Variants in DIP2A observed in about 807,000 individuals in gnomAD.
The protein encoded by DIP2A is DIP2 acetate--CoA ligase A.
A neutral mutation model predicts 177.4 loss-of-function variants in DIP2A; 85 were observed. That is an observed-to-expected ratio of 0.48 (90% CI 0.40 to 0.57). The LOEUF is 0.57. Ranked by LOEUF, DIP2A falls within the 20% of genes least tolerant of loss-of-function variation. DIP2A has a pLI of 0.00. For missense variants in DIP2A, 1,791 were observed against 2,100.2 expected (o/e 0.85, Z 2.88); for synonymous variants, 886 against 881.8 (o/e 1.00, Z -0.08).
At chr21:46,512,944 G>C (rs1469837062) in intron 8 of DIP2A, among the ~76,000 whole-genome samples, 2 of 152,154 alleles carry the variant, frequency 1.3e-5, no homozygotes, top group Non-Finnish European at 2.9e-5. Flanking sequence ...ACAAGTGTGA[G>C]CCACTGCACC....
chr21:46,472,539 A>C (rs1251159070), intron 1 of DIP2A, among the ~76,000 whole-genome samples: 1 of 152,188 alleles, frequency 6.6e-6, no homozygotes, highest in African/African-American at 2.4e-5. Context: ...CCAATAGAGG[A>C]AGTACAGTTT....
At chr21:46,477,267 A>T (rs2055931978) in intron 1 of DIP2A, among the ~76,000 whole-genome samples, 2 of 151,956 alleles carry the variant, frequency 1.3e-5, no homozygotes, top group Admixed American at 6.6e-5. Flanking sequence ...ATTTTTATCC[A>T]GGCGTGGTGG....
chr21:46,516,943 T>C (rs544572924), intron 8 of DIP2A, among the ~76,000 whole-genome samples: 5 of 152,280 alleles, frequency 3.3e-5, no homozygotes, highest in African/African-American at 1.2e-4. Flanking sequence ...TAATCTTTGC[T>C]TCTGCTGCCT....
intron 2 of DIP2A, among the ~76,000 whole-genome samples, chr21:46,489,227 A>G (rs1341137924): frequency 6.6e-6 from 1 of 152,228 alleles, no homozygotes; most frequent in Non-Finnish European, 1.5e-5. Context: ...ATAACTGACC[A>G]CCCCAAAATG....
intron 22 of DIP2A, 180 bp downstream of exon 22, chr21:46,550,065 TGA>T: frequency 7.1e-7 from 1 of 1,401,022 alleles, no homozygotes; most frequent in Admixed American, 3.0e-5. Context: ...GGATACAAAG[TGA>T]TGTTATAATT....
chr21:46,518,026 C>T (rs547013316), intron 8 of DIP2A, among the ~76,000 whole-genome samples: 1 of 152,386 alleles, frequency 6.6e-6, no homozygotes, highest in South Asian at 2.1e-4. Flanking sequence ...CACCAGTACC[C>T]TCTCCTACTC....
Position 46,534,620 on chromosome 21 carries a change from C to G in DIP2A, c.1575C>G (p.Val525=). The change falls in exon 13 of 38, where the codon GTC becomes GTG. Residue 525 remains valine, a synonymous_variant. Coordinates refer to ENST00000417564, the MANE Select transcript of DIP2A (RefSeq NM_015151.4). Reference sequence around the variant, plus strand: ...GCAAAGAAGGCAGTACGGTGGGGGTCACAGTGTCCCACGCATCCCTGCTGG... The same window carrying G: ...GCAAAGAAGGCAGTACGGTGGGGGTGACAGTGTCCCACGCATCCCTGCTGG... ...KTSKEGSTVG[V]TVSHASLLAQ... is the part of the protein sequence containing the mutation. The G allele has an allele frequency of 1.2e-6, 2 of 1,613,174 alleles. No homozygotes were observed. Among genetic ancestry groups the G allele is most frequent in the Non-Finnish European group, 1.7e-6 (2 of 1,179,870 alleles).
chr21:46,530,025 A>C (rs1256632701), intron 9 of DIP2A, among the ~76,000 whole-genome samples: 1 of 152,232 alleles, frequency 6.6e-6, no homozygotes, highest in Non-Finnish European at 1.5e-5. Context: ...CCACATTTCA[A>C]GGGCTCAGTA....
intron 25 of DIP2A, among the ~76,000 whole-genome samples, chr21:46,552,730 T>C (rs1337583714): frequency 6.6e-6 from 1 of 152,222 alleles, no homozygotes; most frequent in Non-Finnish European, 1.5e-5. Flanking sequence ...AAAATCAGTC[T>C]TTCCTGCTAG....
the DIP2A span, among the ~76,000 whole-genome samples, chr21:46,580,909 T>C: frequency 1.3e-5 from 2 of 152,214 alleles, no homozygotes; most frequent in African/African-American, 4.8e-5. Context: ...AGGAATCTGA[T>C]GATTATGTGT....
chr21:46,529,796 T>A (rs959752932), intron 9 of DIP2A, among the ~76,000 whole-genome samples: 1 of 152,174 alleles, frequency 6.6e-6, no homozygotes, highest in Admixed American at 6.5e-5. Flanking sequence ...TGAATTAAAA[T>A]CTGAAGGTCT....
chr21:46,554,336 A>G (rs1439509072), intron 26 of DIP2A, 44 bp downstream of exon 26: 1 of 1,609,144 alleles, frequency 6.2e-7, no homozygotes, highest in African/African-American at 1.3e-5. Context: ...CTTTGTAAGC[A>G]GCCTCCTATC....
chr21:46,484,704 A>T, intron 1 of DIP2A, 53 bp from the exon 2 acceptor site: 1 of 1,467,610 alleles, frequency 6.8e-7, no homozygotes, highest in South Asian at 1.3e-5. Flanking sequence ...GTTTAATTTT[A>T]AAATTTTGGA....
chr21:46,516,562 A>C lies in DIP2A; in HGVS notation c.1102+4948A>C, dbSNP rs540370731. Among the ~76,000 whole-genome samples, 26 of 127,768 alleles carry C rather than the reference A, an allele frequency of 2.0e-4. No individual in the cohort carries two copies. The South Asian group carries it at 6.5e-3, about 32-fold the overall frequency. The allele number at this position is 127,768 out of a possible 152,430, so 83.8% of individuals were successfully genotyped here. On this transcript the variant is annotated intron_variant, in intron 8 of 37. Coordinates refer to ENST00000417564, the MANE Select transcript of DIP2A (RefSeq NM_015151.4). ...GCTGGAGTGCAAGTGGTGCGATGTC[A>C]GCTCACTGCAAGCTCCGCCTCCTGG...
Position 46,566,303 on chromosome 21 carries a change from C to T in DIP2A, c.4340-257C>T, listed in dbSNP as rs935709942. Reference sequence around the variant, plus strand: ...TTGGTAGCTCCTATAGATGGTGTCCCGTTCACAGAGATAAGTTATTTTTAA... The same window carrying T: ...TTGGTAGCTCCTATAGATGGTGTCCTGTTCACAGAGATAAGTTATTTTTAA... On this transcript the variant is annotated intron_variant, in intron 36 of 37. Transcript: ENST00000417564. 4.6e-5 allele frequency among the ~76,000 whole-genome samples: 7 copies of T among 152,306 alleles called. No homozygotes were observed. In the South Asian group the frequency reaches 8.3e-4, roughly 18 times the overall value.
chr21:46,479,478 A>T (rs890070249), intron 1 of DIP2A, among the ~76,000 whole-genome samples: 2 of 152,238 alleles, frequency 1.3e-5, no homozygotes, highest in Non-Finnish European at 2.9e-5. Flanking sequence ...GACAGTGGAC[A>T]TTCAAACACT....
intron 32 of DIP2A, among the ~76,000 whole-genome samples, chr21:46,560,369 C>T (rs1212047212): frequency 6.6e-6 from 1 of 152,202 alleles, no homozygotes; most frequent in Non-Finnish European, 1.5e-5. Flanking sequence ...CAAGGCCCTG[C>T]CTGACAGCAT....
chr21:46,530,341 A>G (rs958758210), intron 9 of DIP2A, among the ~76,000 whole-genome samples: 4 of 152,196 alleles, frequency 2.6e-5, no homozygotes, highest in African/African-American at 9.7e-5. Context: ...TTAGCCAAGG[A>G]CTTTTAAGAA....
At chr21:46,566,740 A>G in intron 37 of DIP2A, 57 bp downstream of exon 37, 4 of 1,607,286 alleles carry the variant, frequency 2.5e-6, no homozygotes, top group South Asian at 1.1e-5. Context: ...TCCTCTGGGC[A>G]TGAGTGCTGT....
Sources: allele counts gnomAD v4.1 joint callset (sites outside exome capture counted in the v4.1 genomes callset), GRCh38; gene constraint gnomAD v4.1.1; transcripts MANE v1.5; gene names NCBI Gene and HGNC (gene_info 2026-07-23, HGNC 2026-07-21).